ASNS: variants seen among roughly 807,000 people sequenced by gnomAD.
The protein encoded by ASNS is asparagine synthetase (glutamine-hydrolyzing).
ASNS carries 37 observed loss-of-function variants against 62.6 expected under a neutral mutation model. The observed-to-expected ratio is 0.59, with a 90% CI of 0.45 to 0.78. The LOEUF (loss-of-function observed/expected upper bound fraction) is 0.78. Among genes scored for constraint, ASNS ranks in the 30% least tolerant of loss-of-function variants. The pLI is 0.00. For missense variants in ASNS, 520 were observed against 682.4 expected (o/e 0.76, Z 2.65); for synonymous variants, 207 against 237.9 (o/e 0.87, Z 1.19).
chr7:97,853,465 A>G (rs2115595711), intron 10 of ASNS, 79 bp from the exon 11 acceptor site: 1 of 1,222,820 alleles, frequency 8.2e-7, no homozygotes, highest in South Asian at 1.3e-5. Flanking sequence ...TCAGTTTCCC[A>G]TCAATTCAAC....
the ASNS span, among the ~76,000 whole-genome samples, chr7:97,903,669 A>C: frequency 1.1e-4 from 16 of 152,346 alleles, no homozygotes; most frequent in South Asian, 6.2e-4. Context: ...TCTAAAAAAA[A>C]CAAACACTTC....
intron 3 of ASNS, among the ~76,000 whole-genome samples, chr7:97,867,020 A>G (rs1792007737): frequency 6.6e-6 from 1 of 150,550 alleles, no homozygotes; most frequent in African/African-American, 2.4e-5. Flanking sequence ...TAACTTATTT[A>G]AAAAGGAGAA....
chr7:97,894,782 T>C, the ASNS span, among the ~76,000 whole-genome samples: 1 of 152,188 alleles, frequency 6.6e-6, no homozygotes, highest in Non-Finnish European at 1.5e-5. Context: ...TGCTGATTTC[T>C]ACCCAATTTA....
chr7:97,865,633 ACTTTCTGTGTTATAAGTGTTTCTACT>A (rs548625236), intron 3 of ASNS, among the ~76,000 whole-genome samples: 2 of 152,282 alleles, frequency 1.3e-5, no homozygotes, highest in African/African-American at 4.8e-5. Flanking sequence ...CTACAGCTTG[ACTTTCTGTGTTATAAGTGTTTCTACT>A]TTTCCTTATC....
chr7:97,916,631 G>A, the ASNS span, among the ~76,000 whole-genome samples: 3 of 152,144 alleles, frequency 2.0e-5, no homozygotes, highest in Non-Finnish European at 4.4e-5. Context: ...TTATTTATTT[G>A]GGGTGGTTTA....
the ASNS span, among the ~76,000 whole-genome samples, chr7:97,922,518 A>G: frequency 6.7e-6 from 1 of 149,748 alleles, no homozygotes. Context: ...ATGGGACAAC[A>G]TGGTACCTAT....
At chr7:97,907,641 C>T in the ASNS span, among the ~76,000 whole-genome samples, 4 of 151,886 alleles carry the variant, frequency 2.6e-5, no homozygotes, top group African/African-American at 7.3e-5. Context: ...TGGAGGCGGG[C>T]GCCTGTAGTC....
the ASNS span, among the ~76,000 whole-genome samples, chr7:97,889,183 G>A: frequency 6.6e-6 from 1 of 152,114 alleles, no homozygotes; most frequent in Admixed American, 6.6e-5. Context: ...AGACTTCCTG[G>A]CATCCCCATC....
At chr7:97,889,346 A>G in the ASNS span, among the ~76,000 whole-genome samples, 5 of 152,064 alleles carry the variant, frequency 3.3e-5, no homozygotes, top group Admixed American at 3.3e-4. Context: ...GTGAAACCCC[A>G]TCTCTACTAA....
the ASNS span, among the ~76,000 whole-genome samples, chr7:97,883,343 GACCTCAAGTA>G: frequency 6.6e-6 from 1 of 152,084 alleles, no homozygotes; most frequent in Non-Finnish European, 1.5e-5. Flanking sequence ...TTCACAAAGG[GACCTCAAGTA>G]ACCTTAGGCT....
chr7:97,854,933 G>A (rs1791361694), intron 9 of ASNS: 1 of 528,546 alleles, frequency 1.9e-6, no homozygotes, highest in Non-Finnish European at 3.2e-6. Context: ...ATGGCAGAAA[G>A]GGGATTCTCA....
chr7:97,919,307 G>T, the ASNS span, among the ~76,000 whole-genome samples: 40 of 152,060 alleles, frequency 2.6e-4, no homozygotes, highest in Admixed American at 2.1e-3. Context: ...GTAGAGACAG[G>T]GTTTCACTAT....
At chr7:97,859,033 TCAA>T (rs1216455735) in intron 5 of ASNS, 78 bp from the exon 6 acceptor site, 5 of 1,425,672 alleles carry the variant, frequency 3.5e-6, no homozygotes, top group Non-Finnish European at 4.9e-6. Context: ...TACACAATCA[TCAA>T]CATCTATCAT....
At chr7:97,867,743 G>A (rs186128680) in intron 3 of ASNS, among the ~76,000 whole-genome samples, 21 of 152,094 alleles carry the variant, frequency 1.4e-4, no homozygotes, top group African/African-American at 3.9e-4. Context: ...ATGATGTCTG[G>A]TGCATAGTAG....
chr7:97,868,518 C>CGTGT (rs543590888), intron 3 of ASNS, among the ~76,000 whole-genome samples: 111 of 62,104 alleles, frequency 1.8e-3, no homozygotes, highest in African/African-American at 0.01. Flanking sequence ...TCAGCAAAAA[C>CGTGT]ATGTGTGTGT....
At chr7:97,881,383 G>GC in the ASNS span, among the ~76,000 whole-genome samples, 5 of 128,756 alleles carry the variant, frequency 3.9e-5, no homozygotes, top group African/African-American at 1.2e-4. Flanking sequence ...AACACCCCCC[G>GC]CCCCCCCAAA....
At chr7:97,858,980 C>G (rs370464134) in intron 5 of ASNS, 25 bp from the exon 6 acceptor site, 1 of 1,581,524 alleles carries the variant, frequency 6.3e-7, no homozygotes, top group East Asian at 2.2e-5. Flanking sequence ...GTAAATCAAA[C>G]AGCTCCAGAA....
the ASNS span, among the ~76,000 whole-genome samples, chr7:97,896,103 A>G: frequency 6.6e-6 from 1 of 152,110 alleles, no homozygotes; most frequent in African/African-American, 2.4e-5. Context: ...TGGAATAACT[A>G]ATACTGTTAA....
At chr7:97,853,422 G>A (rs775004478) in intron 10 of ASNS, 36 bp from the exon 11 acceptor site, 10 of 1,561,136 alleles carry the variant, frequency 6.4e-6, no homozygotes, top group Non-Finnish European at 8.8e-6. Flanking sequence ...AAATTAAAAT[G>A]GGTATTTAGT....
Sources: gnomAD v4.1 joint callset for allele counts (sites outside exome capture counted in the v4.1 genomes callset) on GRCh38, gnomAD v4.1.1 for gene constraint, MANE v1.5 for transcripts, NCBI Gene and HGNC (gene_info 2026-07-23, HGNC 2026-07-21) for gene names.